AMACR: variants seen among roughly 807,000 people sequenced by gnomAD.
AMACR encodes 2-methylacyl-CoA racemase.
Under a neutral mutation model 22.2 loss-of-function variants are expected in AMACR, and 18 were observed. The observed-to-expected ratio is 0.81, with a 90% CI of 0.56 to 1.20. The LOEUF is 1.20. Among genes scored for constraint, AMACR ranks in the 50% most tolerant of loss-of-function variants. The pLI is 0.00. For missense variants in AMACR, 499 were observed against 490.6 expected, an observed-to-expected ratio of 1.02 and a Z score of -0.16; for synonymous variants, 213 against 191.3, an observed-to-expected ratio of 1.11 and a Z score of -0.94.
intron 4 of AMACR, among the ~76,000 whole-genome samples, chr5:33,998,286 G>A (rs1487037844): frequency 6.6e-6 from 1 of 152,174 alleles, no homozygotes; most frequent in Non-Finnish European, 1.5e-5. Context: ...ATAGGAGCTG[G>A]TAGAATATTG....
intron 4 of AMACR, among the ~76,000 whole-genome samples, chr5:33,996,181 A>AT (rs1753628652): frequency 6.6e-6 from 1 of 152,152 alleles, no homozygotes. Context: ...AAAAAAGGCA[A>AT]TATTTTATCG....
At position 33,998,259 on chromosome 5, in the gene AMACR, G is replaced by A. The variant is rs970514884; in HGVS notation, c.739+382C>T. On this transcript the variant is annotated intron_variant, in intron 4 of 4. Transcript: ENST00000335606. Reference sequence around the variant, plus strand: ...GACTTCTGACATTGAAGTGCCATAAGGGACATCTACCAAGAAATAGGAGCT... The same window carrying A: ...GACTTCTGACATTGAAGTGCCATAAAGGACATCTACCAAGAAATAGGAGCT... 3.6e-4 allele frequency among the ~76,000 whole-genome samples: 55 copies of A among 152,158 alleles called. 1 individual carries two copies. Among genetic ancestry groups the A allele is most frequent in the Non-Finnish European group, 2.9e-5 (2 of 68,026 alleles).
In AMACR at chr5:33,988,607, G is replaced by A; in HGVS notation, c.*486C>T. On this transcript the variant is annotated 3_prime_UTR_variant, in exon 5 of 5. Coordinates refer to ENST00000335606, the MANE Select transcript of AMACR (RefSeq NM_014324.6). ...GTGTGATAACTGTTGCTAAAGTTTGGAATGTGCTTAGAGGGAGATCATGAA... is the reference window on the plus strand; with the variant it reads ...GTGTGATAACTGTTGCTAAAGTTTGAAATGTGCTTAGAGGGAGATCATGAA... 7.6e-7 allele frequency: 1 copy of A among 1,310,984 alleles called. No individual in the cohort carries two copies. Among genetic ancestry groups the A allele is most frequent in the Non-Finnish European group, 9.7e-7 (1 of 1,030,336 alleles). 81.2% of individuals were successfully genotyped at this position (1,310,984 alleles called of 1,614,324 possible). A position where few individuals can be genotyped will look rare whatever the true frequency, so the allele number is the denominator to read the frequency against.
chr5:33,989,143 G>A lies in AMACR; in HGVS notation c.1099C>T (p.Leu367Phe). The change falls in exon 5 of 5, where the codon CTT (leucine) becomes TTT (phenylalanine). Residue 367 changes from leucine to phenylalanine, a missense_variant. Physicochemically the swap from Leu to Phe is conservative, Grantham distance 22. Transcript: ENST00000335606. ...FGFSREEIYQ[L>F]NSDKIIESNK... ...CTTTCAATGATTTTATCTGAGTTAA[G>A]CTGATAAATCTCTTCGCGGCTGAAT... 1 of 1,614,102 alleles carries A rather than the reference G, an allele frequency of 6.2e-7. No homozygotes were observed. The highest frequency in any genetic ancestry group is 2.2e-5 in the East Asian group (1 of 44,880).
Position 33,989,039 on chromosome 5 carries a change from T to C in AMACR, c.*54A>G. The C allele has an allele frequency of 1.9e-6, 3 of 1,611,664 alleles. No individual in the cohort carries two copies. Among genetic ancestry groups the C allele is most frequent in the Non-Finnish European group, 2.5e-6 (3 of 1,179,094 alleles). On this transcript the variant is annotated 3_prime_UTR_variant, in exon 5 of 5. Coordinates refer to ENST00000335606, the MANE Select transcript of AMACR (RefSeq NM_014324.6). ...TTTCCATGCATACAATGTTATGTGT[T>C]ACTCTACACTGTAAATGCAGTATTC...
chr5:33,990,358 C>T (rs1051150063), intron 4 of AMACR, among the ~76,000 whole-genome samples: 7 of 152,142 alleles, frequency 4.6e-5, no homozygotes, highest in Admixed American at 2.0e-4. Flanking sequence ...ACTTGAAGGG[C>T]CCATCAAGAC....
chr5:33,996,035 C>G (rs151136900), intron 4 of AMACR, among the ~76,000 whole-genome samples: 1 of 152,244 alleles, frequency 6.6e-6, no homozygotes, highest in East Asian at 1.9e-4. Context: ...TTTGCAGCTT[C>G]CCCCAAAATC....
intron 3 of AMACR, among the ~76,000 whole-genome samples, chr5:34,002,143 C>T (rs138433148): frequency 2.0e-5 from 3 of 152,244 alleles, no homozygotes; most frequent in South Asian, 2.1e-4. Flanking sequence ...ACTGCAGACG[C>T]GTACCACCAA....
At position 34,007,851 on chromosome 5, in the gene AMACR, G is replaced by A; in HGVS notation, c.169C>T (p.Leu57=). Residue 57 remains leucine (L), a synonymous_variant, in exon 1 of 5, where the codon CTG becomes TTG. Transcript: ENST00000335606. ...ACGGCGGCTCCCCGCGGCTGCTTCA[G>A]GTCCAGCACTAGCGAGCGCTTGCCC... is the stretch of plus-strand genomic sequence containing the variant. The part of the protein sequence containing the change: ...GRGKRSLVLD[L]KQPRGAAVLR... 1 of 1,583,786 alleles carries A rather than the reference G, an allele frequency of 6.3e-7. No homozygotes were observed. The highest frequency in any genetic ancestry group is 8.6e-7 in the Non-Finnish European group (1 of 1,167,878).
intron 4 of AMACR, chr5:33,994,005 CA>C (rs1157356827): frequency 4.4e-6 from 2 of 453,486 alleles, no homozygotes; most frequent in African/African-American, 4.0e-5. Flanking sequence ...TCAGTGTTTT[CA>C]GATTATTTTT....
rs1263548699 is a variant in AMACR at position 33,989,642 on chromosome 5, T to A, written c.740-140A>T. On this transcript the variant is annotated intron_variant, in intron 4 of 4. Coordinates refer to ENST00000335606, the MANE Select transcript of AMACR (RefSeq NM_014324.6). ...TCTCAAATGAGTCAAGAGAAAAAAA[T>A]GTAAAATCAGTTTAAGGTTAGAGCC... is the stretch of plus-strand genomic sequence containing the variant. 2.8e-5 allele frequency: 21 copies of A among 740,872 alleles called. No homozygotes were observed. The South Asian group carries it at 3.1e-4, about 11-fold the overall frequency. The allele number at this position is 740,872 out of a possible 1,614,324, so 45.9% of individuals were successfully genotyped here. A position where few individuals can be genotyped will look rare whatever the true frequency, so the allele number is the denominator to read the frequency against.
chr5:33,998,911 A>T (rs138495595), intron 3 of AMACR, 84 bp from the exon 4 acceptor site: 20 of 1,357,766 alleles, frequency 1.5e-5, no homozygotes, highest in East Asian at 2.3e-5. Flanking sequence ...GTTAAAAAAA[A>T]TTTGCGTAAA....
chr5:33,989,265 C>T lies in AMACR; in HGVS notation c.977G>A (p.Arg326His), dbSNP rs750174939. The change falls in exon 5 of 5, where the codon CGC (arginine) becomes CAC (histidine). Residue 326 changes from arginine (R) to histidine (H), a missense_variant. Coordinates refer to ENST00000335606, the MANE Select transcript of AMACR (RefSeq NM_014324.6). ...GGTGTTTAACAGCAGAGGTGCAGGGCGGGGGCTCACGTCCTGCTCCTCACT... is the reference window on the plus strand; with the variant it reads ...GGTGTTTAACAGCAGAGGTGCAGGGTGGGGGCTCACGTCCTGCTCCTCACT... ...ITSEEQDVSP[R>H]PAPLLLNTPA... 8.1e-6 allele frequency: 13 copies of T among 1,613,912 alleles called. No individual in the cohort carries two copies. The highest frequency in any genetic ancestry group is 5.3e-5 in the African/African-American group (4 of 74,864).
At chr5:34,002,729 C>T (rs537316864) in intron 3 of AMACR, among the ~76,000 whole-genome samples, 46 of 152,296 alleles carry the variant, frequency 3.0e-4, no homozygotes, top group Non-Finnish European at 4.0e-4. Flanking sequence ...TTGAGTTTGG[C>T]GGGTACTGGT....
At chr5:33,997,234 G>A (rs367697813) in intron 4 of AMACR, 20 of 768,394 alleles carry the variant, frequency 2.6e-5, no homozygotes, top group South Asian at 1.3e-4. Context: ...TAATTCATTA[G>A]CTTCTTGATC....
At chr5:33,997,823 A>G (rs896238780) in intron 4 of AMACR, 61 of 377,154 alleles carry the variant, frequency 1.6e-4, no homozygotes, top group Non-Finnish European at 8.0e-5. Context: ...CCATCAGATA[A>G]GAACACATCA....
At chr5:33,990,103 A>C (rs77079473) in intron 4 of AMACR, among the ~76,000 whole-genome samples, 4,773 of 152,158 alleles carry the variant, frequency 0.031, 168 homozygotes, top group East Asian at 0.16. Context: ...CCAGGAGTTC[A>C]AGGCCCAGCC....
At chr5:33,995,712 C>G (rs1753613010) in intron 4 of AMACR, among the ~76,000 whole-genome samples, 1 of 152,124 alleles carries the variant, frequency 6.6e-6, no homozygotes, top group Non-Finnish European at 1.5e-5. Flanking sequence ...ACAGGATACA[C>G]CAAGGAAGGG....
intron 4 of AMACR, among the ~76,000 whole-genome samples, chr5:33,992,627 T>A (rs1299046706): frequency 6.6e-6 from 1 of 152,070 alleles, no homozygotes; most frequent in Non-Finnish European, 1.5e-5. Context: ...GGAGGATTGC[T>A]TAAGCCCAGG....
Sources: allele counts gnomAD v4.1 joint callset (sites outside exome capture counted in the v4.1 genomes callset), GRCh38; gene constraint gnomAD v4.1.1; transcripts MANE v1.5; gene names NCBI Gene and HGNC (gene_info 2026-07-23, HGNC 2026-07-21).